The following UNC13B variants were observed in gnomAD, a reference collection of about 807,000 sequenced individuals.
The protein encoded by UNC13B is unc-13 homolog B.
In UNC13B, 144 loss-of-function variants were observed where a neutral mutation model predicts 211.0. The observed-to-expected ratio is 0.68, with a 90% CI of 0.60 to 0.78. UNC13B has a LOEUF of 0.78. Among genes scored for constraint, UNC13B ranks in the 30% least tolerant of loss-of-function variants. The probability of loss-of-function intolerance (pLI) is 0.00; values close to 1 mark genes in which losing one functional copy is unlikely to be tolerated. For missense variants in UNC13B, 1,777 were observed against 2,002.0 expected (o/e 0.89, Z 2.14); for synonymous variants, 709 against 725.8 (o/e 0.98, Z 0.37).
rs1323222256 is a variant in UNC13B, at chr9:35,378,276, A to G, written c.10064-19A>G. On this transcript the variant is annotated intron_variant, in intron 16 of 39. Coordinates refer to ENST00000635942, the MANE Select transcript of UNC13B (RefSeq NM_001371189.2). ...CTTCTGAACGACTCTGAAGCCTCCT[A>G]TACATGCTTGGGTTGCAGTGGTGTG... 5 of 1,613,978 alleles carry G rather than the reference A, an allele frequency of 3.1e-6. No individual in the cohort carries two copies. Among genetic ancestry groups the G allele is most frequent in the Non-Finnish European group, 3.4e-6 (4 of 1,179,984 alleles).
intron 6 of UNC13B, among the ~76,000 whole-genome samples, chr9:35,246,831 T>C (rs868019675): frequency 8.5e-5 from 13 of 152,154 alleles, no homozygotes; most frequent in African/African-American, 2.4e-4. Context: ...CTTGGCAATG[T>C]GGGCTCTTTT....
chr9:35,231,115 CA>C lies in UNC13B; in HGVS notation c.53-2del. On this transcript the variant is annotated splice_region_variant and splice_polypyrimidine_tract_variant and intron_variant, in intron 2 of 39. Coordinates refer to ENST00000635942, the MANE Select transcript of UNC13B (RefSeq NM_001371189.2). ...ATTATGTCTCCATTTTGTATTTTTT[CA>C]AAGATAAATTTAACACATATGTGAC... 2 of 1,598,876 alleles carry C rather than the reference CA, an allele frequency of 1.3e-6. No individual in the cohort carries two copies. Among genetic ancestry groups the C allele is most frequent in the East Asian group, 2.2e-5 (1 of 44,708 alleles).
At chr9:35,213,304 G>C (rs1384224268) in intron 1 of UNC13B, among the ~76,000 whole-genome samples, 1 of 152,246 alleles carries the variant, frequency 6.6e-6, no homozygotes, top group East Asian at 1.9e-4. Flanking sequence ...GCACCAGGCA[G>C]TTTGTACTCC....
chr9:35,297,561 T>TTTTTTTTTTTTGTTTCTTTG, intron 8 of UNC13B, among the ~76,000 whole-genome samples: 1 of 128,164 alleles, frequency 7.8e-6, no homozygotes, highest in Non-Finnish European at 1.7e-5. Context: ...TTTTTTTTTT[T>TTTTTTTTTTTTGTTTCTTTG]TTTTTTGAGA....
intron 11 of UNC13B, among the ~76,000 whole-genome samples, chr9:35,336,392 C>T (rs1831660183): frequency 6.6e-6 from 1 of 152,162 alleles, no homozygotes; most frequent in African/African-American, 2.4e-5. Context: ...TTTAACATTT[C>T]CCCCGTTAGG....
intron 11 of UNC13B, chr9:35,353,136 G>T: frequency 8.1e-7 from 1 of 1,232,204 alleles, no homozygotes; most frequent in Non-Finnish European, 1.0e-6. Context: ...GAGACTTTCA[G>T]TGACATGGTT....
intron 6 of UNC13B, among the ~76,000 whole-genome samples, chr9:35,252,427 C>T (rs552107918): frequency 6.6e-6 from 1 of 152,098 alleles, no homozygotes; most frequent in South Asian, 2.1e-4. Flanking sequence ...TCCTCAGCCT[C>T]CTGAGTAGCT....
intron 7 of UNC13B, among the ~76,000 whole-genome samples, chr9:35,286,622 G>A (rs967688509): frequency 2.6e-5 from 4 of 152,074 alleles, no homozygotes; most frequent in African/African-American, 7.2e-5. Flanking sequence ...CACTTTGGGA[G>A]GCTGAAGCAG....
At chr9:35,311,198 C>A (rs752424613) in intron 10 of UNC13B, among the ~76,000 whole-genome samples, 10 of 152,194 alleles carry the variant, frequency 6.6e-5, no homozygotes, top group Non-Finnish European at 1.2e-4. Flanking sequence ...TCTTGAACTC[C>A]TGAGCTCAAG....
At chr9:35,194,332 A>G (rs1015505890) in intron 1 of UNC13B, among the ~76,000 whole-genome samples, 2 of 152,194 alleles carry the variant, frequency 1.3e-5, no homozygotes, top group Middle Eastern at 3.2e-3. Context: ...TTATGATAGA[A>G]AAGTTGGAGA....
At chr9:35,370,182 C>T in intron 12 of UNC13B, 136 bp from the exon 13 acceptor site, 1 of 636,064 alleles carries the variant, frequency 1.6e-6, no homozygotes, top group Middle Eastern at 2.6e-4. Flanking sequence ...GTCTTTCCTT[C>T]CCGTCCTAAA....
chr9:35,179,042 A>G (rs1821792472), intron 1 of UNC13B, among the ~76,000 whole-genome samples: 1 of 152,194 alleles, frequency 6.6e-6, no homozygotes, highest in African/African-American at 2.4e-5. Context: ...CATTTTACAA[A>G]TGAGGGCACT....
intron 1 of UNC13B, among the ~76,000 whole-genome samples, chr9:35,218,044 A>G (rs1367526979): frequency 1.3e-5 from 2 of 151,944 alleles, no homozygotes; most frequent in African/African-American, 2.4e-5. Flanking sequence ...TTAGGCGTGG[A>G]AAGAGAAAAA....
intron 7 of UNC13B, among the ~76,000 whole-genome samples, chr9:35,272,383 G>A (rs1338493177): frequency 1.3e-5 from 2 of 150,872 alleles, no homozygotes; most frequent in African/African-American, 2.4e-5. Context: ...TCAGCCTCTC[G>A]AGTAGCTGGG....
intron 15 of UNC13B, 79 bp from the exon 16 acceptor site, chr9:35,377,389 T>A: frequency 6.8e-7 from 1 of 1,462,226 alleles, no homozygotes; most frequent in East Asian, 2.3e-5. Context: ...TCCACTGCTC[T>A]GCAGCCTCTC....
intron 7 of UNC13B, among the ~76,000 whole-genome samples, chr9:35,291,396 C>T (rs1219106957): frequency 1.3e-5 from 2 of 152,160 alleles, no homozygotes; most frequent in African/African-American, 4.8e-5. Flanking sequence ...AGCATCAGCC[C>T]CCTAGTGTGG....
At position 35,396,599 on chromosome 9, in the gene UNC13B, C is replaced by T; in HGVS notation, c.11432C>T (p.Pro3811Leu). 1 of 1,613,904 alleles carries T rather than the reference C, an allele frequency of 6.2e-7. No homozygotes were observed. The highest frequency in any genetic ancestry group is 1.1e-5 in the South Asian group (1 of 91,050). The change falls in exon 27 of 40, where the codon CCA becomes CTA. Residue 3811 changes from proline to leucine, a missense_variant. Transcript: ENST00000635942. ...PVLQGQVPEY[P>L]AWFEQFVLQW... ...CTCCAGGGGCAGGTGCCTGAGTACCCAGCGTGAGTCATCATGTGGGCACTA... is the reference window on the plus strand; with the variant it reads ...CTCCAGGGGCAGGTGCCTGAGTACCTAGCGTGAGTCATCATGTGGGCACTA...
At chr9:35,320,777 A>G (rs1486418541) in intron 11 of UNC13B, among the ~76,000 whole-genome samples, 1 of 152,148 alleles carries the variant, frequency 6.6e-6, no homozygotes, top group Non-Finnish European at 1.5e-5. Flanking sequence ...ACTTCTTGTA[A>G]GATCCTTTAA....
chr9:35,216,636 C>T lies in UNC13B; in HGVS notation c.23-11379C>T, dbSNP rs570483673. ...CCATGGAAAGACCATGGCTCCTCCC[C>T]TTCGCTAACTCCTGTTAACCCCTGT... On this transcript the variant is annotated intron_variant, in intron 1 of 39. Transcript: ENST00000635942. 6.7e-4 allele frequency among the ~76,000 whole-genome samples: 102 copies of T among 152,304 alleles called. 1 individual carries two copies. Among genetic ancestry groups the T allele is most frequent in the African/African-American group, 2.4e-3 (98 of 41,570 alleles).
Sources: allele counts gnomAD v4.1 joint callset (sites outside exome capture counted in the v4.1 genomes callset), GRCh38; gene constraint gnomAD v4.1.1; transcripts MANE v1.5; gene names NCBI Gene and HGNC (gene_info 2026-07-23, HGNC 2026-07-21).